The following OPCML variants were observed in gnomAD, a reference collection of about 807,000 sequenced individuals.
OPCML encodes opioid-binding protein/cell adhesion molecule.
A neutral mutation model predicts 37.8 loss-of-function variants in OPCML; 13 were observed. The observed-to-expected ratio is 0.34, with a 90% CI of 0.22 to 0.55. OPCML has a LOEUF of 0.55. Among genes scored for constraint, OPCML ranks in the 20% least tolerant of loss-of-function variants. OPCML has a pLI of 0.91. For missense variants in OPCML, 341 were observed against 435.6 expected (o/e 0.78, Z 1.93); for synonymous variants, 176 against 168.8 (o/e 1.04, Z -0.33).
chr11:133,093,218 C>A lies in OPCML; in HGVS notation c.62-150208G>T, dbSNP rs1169877458. On this transcript the variant is annotated intron_variant, in intron 1 of 7. Transcript: ENST00000524381. ...CCAATGTGTAGTCTTTTCTCCCTTG[C>A]CAACCCCCCCAACCTTTCCCCTGCG... is the stretch of plus-strand genomic sequence containing the variant. 5.3e-5 allele frequency among the ~76,000 whole-genome samples: 8 copies of A among 151,970 alleles called. No homozygotes were observed. In the South Asian group the frequency reaches 1.0e-3, roughly 20 times the overall value.
chr11:132,818,907 C>T (rs895399193), intron 2 of OPCML, among the ~76,000 whole-genome samples: 2 of 148,502 alleles, frequency 1.3e-5, no homozygotes, highest in African/African-American at 2.5e-5. Context: ...TGCACATGTA[C>T]CCTAAAACTT....
At chr11:132,508,436 A>G (rs2096262014) in intron 4 of OPCML, among the ~76,000 whole-genome samples, 1 of 151,192 alleles carries the variant, frequency 6.6e-6, no homozygotes, top group South Asian at 2.1e-4. Context: ...CACATAATTA[A>G]TCATATAATC....
chr11:132,441,165 G>GTTTTTTTTTTTTTTTTTTT lies in OPCML; in HGVS notation c.506-3825_506-3807dup, dbSNP rs68143578. Among the ~76,000 whole-genome samples the GTTTTTTTTTTTTTTTTTTT allele has an allele frequency of 2.8e-3, 206 of 72,342 alleles. 11 individuals are homozygous for GTTTTTTTTTTTTTTTTTTT. Among genetic ancestry groups the GTTTTTTTTTTTTTTTTTTT allele is most frequent in the Non-Finnish European group, 3.4e-3 (148 of 43,976 alleles). The allele number at this position is 72,342 out of a possible 152,430, so 47.5% of individuals were successfully genotyped here. On this transcript the variant is annotated intron_variant, in intron 4 of 7. Transcript: ENST00000524381. Reference sequence around the variant, plus strand: ...AGATGTGTTCACCAAGGACTTTTTTGTTTTTTTTTTTTTTTTTTTTGAGAC... The same window carrying GTTTTTTTTTTTTTTTTTTT: ...AGATGTGTTCACCAAGGACTTTTTTGTTTTTTTTTTTTTTTTTTTTTTTTTTTTTTTTTTTTTTTGAGAC...
intron 2 of OPCML, among the ~76,000 whole-genome samples, chr11:132,843,450 G>C (rs1941386343): frequency 6.6e-6 from 1 of 152,046 alleles, no homozygotes; most frequent in African/African-American, 2.4e-5. Flanking sequence ...GCAAGATTCT[G>C]ATGCAACGGT....
At chr11:133,489,626 C>T (rs1480894297) in intron 1 of OPCML, among the ~76,000 whole-genome samples, 3 of 151,926 alleles carry the variant, frequency 2.0e-5, no homozygotes, top group East Asian at 1.9e-4. Context: ...ACACTGTTGG[C>T]GGAATGTAAA....
At chr11:132,519,374 T>A (rs1167687198) in intron 4 of OPCML, among the ~76,000 whole-genome samples, 1 of 152,070 alleles carries the variant, frequency 6.6e-6, no homozygotes, top group Non-Finnish European at 1.5e-5. Context: ...TGACGCTTGC[T>A]GAAGGCATCC....
chr11:133,166,658 T>C (rs1368910295), intron 1 of OPCML, among the ~76,000 whole-genome samples: 1 of 152,234 alleles, frequency 6.6e-6, no homozygotes, highest in African/African-American at 2.4e-5. Context: ...ATGTGCAGGC[T>C]GGCTCTGAGC....
chr11:132,631,713 A>C lies in OPCML; in HGVS notation c.379+25374T>G, dbSNP rs534305948. ...CTAGTTTAACAAGAAAAATATATTC[A>C]CATTTAACTCTGTTTACGTTTTTGA... On this transcript the variant is annotated intron_variant, in intron 3 of 7. Transcript: ENST00000524381. Among the ~76,000 whole-genome samples, 301 of 152,132 alleles carry C rather than the reference A, an allele frequency of 2.0e-3. 1 individual carries two copies. The highest frequency in any genetic ancestry group is 7.7e-3 in the South Asian group (37 of 4,822).
chr11:133,119,095 A>G (rs1025582206), intron 1 of OPCML, among the ~76,000 whole-genome samples: 4 of 152,036 alleles, frequency 2.6e-5, no homozygotes, highest in African/African-American at 9.7e-5. Context: ...CAAGTTTTTT[A>G]TCAGCATCAA....
rs541688145 is a variant in OPCML at position 133,404,325 on chromosome 11, C to T, written c.61+127939G>A. ...TTTTATTTCCAAATAAGGTCACATTCGCAGGCGCGAGGAGTAGAACTTGTA... is the reference window on the plus strand; with the variant it reads ...TTTTATTTCCAAATAAGGTCACATTTGCAGGCGCGAGGAGTAGAACTTGTA... On this transcript the variant is annotated intron_variant, in intron 1 of 7. Coordinates refer to ENST00000524381, the MANE Select transcript of OPCML (RefSeq NM_001012393.5). 4.6e-5 allele frequency among the ~76,000 whole-genome samples: 7 copies of T among 152,350 alleles called. No individual in the cohort carries two copies. The South Asian group carries it at 6.2e-4, about 14-fold the overall frequency.
At chr11:132,894,072 T>A (rs1943748140) in intron 2 of OPCML, among the ~76,000 whole-genome samples, 1 of 152,204 alleles carries the variant, frequency 6.6e-6, no homozygotes, top group Admixed American at 6.5e-5. Context: ...AGATTTCTTG[T>A]AAGAATTATA....
At position 132,795,042 on chromosome 11, in the gene OPCML, AACT is replaced by A. The variant is rs542780829; in HGVS notation, c.147-137726_147-137724del. 3.8e-4 allele frequency among the ~76,000 whole-genome samples: 58 copies of A among 152,244 alleles called. No homozygotes were observed. The South Asian group carries it at 8.5e-3, about 22-fold the overall frequency. The stretch of plus-strand genomic sequence containing the variant: ...ATATACCAAATTTAGAAGAGTGGTA[AACT>A]CTGGAACTGAATGGGTATGGCAAGA... On this transcript the variant is annotated intron_variant, in intron 2 of 7. Transcript: ENST00000524381.
In OPCML at chr11:132,702,341, C is replaced by T. The variant is rs368677331; in HGVS notation, c.147-45022G>A. ...TTTCTGGTATAATATTCTTGTTTAA[C>T]GCTTCTTTCCCCCAGCACTTTGACT... is the stretch of plus-strand genomic sequence containing the variant. On this transcript the variant is annotated intron_variant, in intron 2 of 7. Coordinates refer to ENST00000524381, the MANE Select transcript of OPCML (RefSeq NM_001012393.5). Among the ~76,000 whole-genome samples, 14 of 152,270 alleles carry T rather than the reference C, an allele frequency of 9.2e-5. No individual in the cohort carries two copies. The East Asian group carries it at 1.2e-3, about 13-fold the overall frequency.
chr11:132,992,970 T>C (rs1946808939), intron 1 of OPCML, among the ~76,000 whole-genome samples: 1 of 152,120 alleles, frequency 6.6e-6, no homozygotes, highest in African/African-American at 2.4e-5. Flanking sequence ...TTCATCTCCG[T>C]GTATGGGAGG....
intron 2 of OPCML, among the ~76,000 whole-genome samples, chr11:132,735,481 G>A (rs1945222315): frequency 6.6e-6 from 1 of 151,916 alleles, no homozygotes; most frequent in African/African-American, 2.4e-5. Flanking sequence ...CAAAATAATT[G>A]TTGTTGTTGT....
intron 1 of OPCML, among the ~76,000 whole-genome samples, chr11:133,131,930 A>G (rs1466801188): frequency 6.6e-6 from 1 of 152,200 alleles, no homozygotes; most frequent in East Asian, 1.9e-4. Flanking sequence ...ATGGACTTCA[A>G]TCCATATTTT....
intron 1 of OPCML, among the ~76,000 whole-genome samples, chr11:133,397,756 T>C (rs115933960): frequency 9.1e-4 from 139 of 152,322 alleles, no homozygotes; most frequent in African/African-American, 3.2e-3. Context: ...GGGGTTGCAA[T>C]TGACAGAATT....
chr11:133,380,223 T>C (rs1592249413), intron 1 of OPCML, among the ~76,000 whole-genome samples: 1 of 152,180 alleles, frequency 6.6e-6, no homozygotes, highest in African/African-American at 2.4e-5. Context: ...AAAGGGTATC[T>C]GGAAGGGTTT....
At chr11:132,692,457 T>C (rs1173066226) in intron 2 of OPCML, among the ~76,000 whole-genome samples, 5 of 152,200 alleles carry the variant, frequency 3.3e-5, no homozygotes, top group Non-Finnish European at 7.3e-5. Context: ...ATTAGTAAGC[T>C]GTATTAAAGA....
Sources: gnomAD v4.1 joint callset for allele counts (sites outside exome capture counted in the v4.1 genomes callset) on GRCh38, gnomAD v4.1.1 for gene constraint, MANE v1.5 for transcripts, NCBI Gene and HGNC (gene_info 2026-07-23, HGNC 2026-07-21) for gene names.